The following SLC24A4 variants were observed in gnomAD, a reference collection of about 807,000 sequenced individuals.
SLC24A4 encodes sodium/potassium/calcium exchanger 4.
SLC24A4 carries 53 observed loss-of-function variants against 79.0 expected under a neutral mutation model. The observed-to-expected ratio is 0.67, with a 90% CI of 0.54 to 0.84. SLC24A4 has a LOEUF of 0.84. SLC24A4 is among the 40% of genes least tolerant of loss of function. The probability of loss-of-function intolerance (pLI) is 0.00; values close to 1 mark genes in which losing one functional copy is unlikely to be tolerated. For synonymous variants in SLC24A4, 323 were observed against 323.8 expected (o/e 1.00, Z 0.03); for missense variants, 731 against 822.0 (o/e 0.89, Z 1.35).
chr14:92,397,860 A>G (rs759681298), intron 2 of SLC24A4, among the ~76,000 whole-genome samples: 1 of 152,256 alleles, frequency 6.6e-6, no homozygotes, highest in Non-Finnish European at 1.5e-5. Context: ...CTCTAAAAAT[A>G]GAAGCAAATG....
At chr14:92,479,400 G>A (rs1013666489) in intron 12 of SLC24A4, among the ~76,000 whole-genome samples, 1 of 152,198 alleles carries the variant, frequency 6.6e-6, no homozygotes, top group Non-Finnish European at 1.5e-5. Flanking sequence ...AGTTTGTTGA[G>A]TGTTTCCATC....
intron 2 of SLC24A4, among the ~76,000 whole-genome samples, chr14:92,423,918 C>T (rs575381440): frequency 2.0e-5 from 3 of 152,310 alleles, no homozygotes; most frequent in South Asian, 4.1e-4. Flanking sequence ...TTTATTCTCC[C>T]ACAGTTCAGG....
chr14:92,426,480 A>G lies in SLC24A4; in HGVS notation c.242-7432A>G, dbSNP rs565044934. On this transcript the variant is annotated intron_variant, in intron 2 of 16. Transcript: ENST00000532405. ...AGTACCTGGGCCCTTGTCCAGCTGT[A>G]GAAATTCTATAGTGGTTGCTCCTGG... Among the ~76,000 whole-genome samples the G allele has an allele frequency of 9.5e-4, 145 of 152,336 alleles. 1 individual carries two copies. Among genetic ancestry groups the G allele is most frequent in the African/African-American group, 3.3e-3 (138 of 41,572 alleles).
At chr14:92,392,902 G>A (rs1360957711) in intron 2 of SLC24A4, among the ~76,000 whole-genome samples, 2 of 152,320 alleles carry the variant, frequency 1.3e-5, no homozygotes, top group African/African-American at 4.8e-5. Context: ...AGGTCACATA[G>A]GAGGCATCAT....
chr14:92,424,006 TCTC>T (rs1317972487), intron 2 of SLC24A4, among the ~76,000 whole-genome samples: 1 of 152,150 alleles, frequency 6.6e-6, no homozygotes, highest in Non-Finnish European at 1.5e-5. Context: ...TCCAGGCCTC[TCTC>T]CTGGCTGCCA....
intron 2 of SLC24A4, among the ~76,000 whole-genome samples, chr14:92,363,018 C>A (rs1052268369): frequency 6.6e-6 from 1 of 152,160 alleles, no homozygotes; most frequent in Non-Finnish European, 1.5e-5. Context: ...TTGTGCCAAG[C>A]TCTAGTTAAT....
chr14:92,466,584 T>C (rs1894134793), intron 12 of SLC24A4, among the ~76,000 whole-genome samples: 3 of 152,224 alleles, frequency 2.0e-5, no homozygotes, highest in Admixed American at 2.0e-4. Context: ...TTCTAAAGCT[T>C]ATTCACCCCA....
In SLC24A4 at chr14:92,442,766, G is replaced by A. The variant is rs1252032597; in HGVS notation, c.532G>A (p.Val178Met). ...VGVGTIVGSA[V>M]FNILCIIGVC... ...GGTGGGCACCATCGTGGGCTCTGCT[G>A]TGTTCAACATCCTGTGCATAATTGG... is the stretch of plus-strand genomic sequence containing the variant. Residue 178 changes from valine to methionine, a missense_variant, in exon 6 of 17, where the codon GTG becomes ATG. Val to Met is a conservative substitution (Grantham distance 21, BLOSUM62 1). Transcript: ENST00000532405. 1.9e-6 allele frequency: 3 copies of A among 1,614,096 alleles called. No homozygotes were observed. Among genetic ancestry groups the A allele is most frequent in the Non-Finnish European group, 2.5e-6 (3 of 1,180,034 alleles).
At chr14:92,381,660 G>T (rs1038760097) in intron 2 of SLC24A4, among the ~76,000 whole-genome samples, 1 of 152,112 alleles carries the variant, frequency 6.6e-6, no homozygotes, top group African/African-American at 2.4e-5. Flanking sequence ...TTGCACAGTA[G>T]TTTTAAGTTC....
intron 2 of SLC24A4, among the ~76,000 whole-genome samples, chr14:92,343,638 TTCTC>T (rs750814738): frequency 5.0e-4 from 63 of 127,194 alleles, no homozygotes; most frequent in African/African-American, 1.4e-3. Context: ...CTTTCTTTCT[TTCTC>T]TCTTTCCTTC....
chr14:92,417,000 A>G (rs1421675789), intron 2 of SLC24A4, among the ~76,000 whole-genome samples: 4 of 152,244 alleles, frequency 2.6e-5, no homozygotes, highest in Admixed American at 6.5e-5. Flanking sequence ...TTCTACACAT[A>G]TTAAGCACTT....
rs2141579891 is a variant in SLC24A4 at position 92,323,652 on chromosome 14, A to G, written c.-179A>G. On this transcript the variant is annotated 5_prime_UTR_variant, in exon 1 of 17. Transcript: ENST00000532405. This position sits in a 1 kb window ranked among gnomAD's most constrained non-coding sequence, Gnocchi z 4.9. ...AGCTCCGGCCGCGTCGCGCGTCCCC[A>G]CCTTCCCAAGGGGCTCCCCCGCCGA... 3.0e-6 allele frequency: 2 copies of G among 668,504 alleles called. No homozygotes were observed. Among genetic ancestry groups the G allele is most frequent in the East Asian group, 3.4e-5 (1 of 29,014 alleles). 41.4% of individuals were successfully genotyped at this position (668,504 alleles called of 1,614,324 possible).
chr14:92,386,827 C>G (rs1231595056), intron 2 of SLC24A4, among the ~76,000 whole-genome samples: 1 of 152,226 alleles, frequency 6.6e-6, no homozygotes, highest in Non-Finnish European at 1.5e-5. Context: ...GCCTGTGACG[C>G]TAACCTTGAG....
intron 9 of SLC24A4, 26 bp from the exon 10 acceptor site, chr14:92,449,048 G>A: frequency 6.2e-7 from 1 of 1,613,060 alleles, no homozygotes; most frequent in Non-Finnish European, 8.5e-7. Context: ...CCATTGCCCT[G>A]ACCTCCTGCC....
intron 13 of SLC24A4, among the ~76,000 whole-genome samples, chr14:92,483,163 C>T (rs1183178281): frequency 6.6e-6 from 1 of 152,118 alleles, no homozygotes; most frequent in Non-Finnish European, 1.5e-5. Flanking sequence ...CACCAAGCCC[C>T]CTTGGTTTCC....
intron 14 of SLC24A4, 90 bp from the exon 15 acceptor site, chr14:92,491,575 A>G: frequency 1.1e-6 from 1 of 890,710 alleles, no homozygotes. Context: ...TTGCTTTCCA[A>G]GGAATGGCAC....
chr14:92,446,002 G>A (rs1892775799), intron 8 of SLC24A4, among the ~76,000 whole-genome samples: 1 of 152,316 alleles, frequency 6.6e-6, no homozygotes, highest in East Asian at 1.9e-4. Flanking sequence ...TTTGAGACCA[G>A]CCTGAGCAAC....
intron 2 of SLC24A4, among the ~76,000 whole-genome samples, chr14:92,390,156 G>C (rs1434238324): frequency 6.6e-6 from 1 of 152,054 alleles, no homozygotes; most frequent in Non-Finnish European, 1.5e-5. Context: ...CCCCAGGCCT[G>C]TGTCCCCTCC....
chr14:92,476,587 C>T (rs1894780352), intron 12 of SLC24A4, among the ~76,000 whole-genome samples: 1 of 152,024 alleles, frequency 6.6e-6, no homozygotes, highest in South Asian at 2.1e-4. Flanking sequence ...ATAAAATTCG[C>T]CCTCATAAAC....
Sources: allele counts gnomAD v4.1 joint callset (sites outside exome capture counted in the v4.1 genomes callset), GRCh38; gene constraint gnomAD v4.1.1; non-coding constraint Gnocchi (gnomAD v3.1); transcripts MANE v1.5; gene names NCBI Gene and HGNC (gene_info 2026-07-23, HGNC 2026-07-21).